The following KIAA1217 variants were observed in gnomAD, a reference collection of about 807,000 sequenced individuals.
KIAA1217 encodes KIAA1217.
KIAA1217 carries 88 observed loss-of-function variants against 163.9 expected under a neutral mutation model. The observed-to-expected ratio is 0.54, with a 90% CI of 0.45 to 0.64. The LOEUF (loss-of-function observed/expected upper bound fraction) is 0.64. Among genes scored for constraint, KIAA1217 ranks in the 30% least tolerant of loss-of-function variants. KIAA1217 has a pLI of 0.00. For missense variants in KIAA1217, 2,372 were observed against 2,475.0 expected, an observed-to-expected ratio of 0.96 and a Z score of 0.88; for synonymous variants, 903 against 923.1, an observed-to-expected ratio of 0.98 and a Z score of 0.39.
intron 3 of KIAA1217, among the ~76,000 whole-genome samples, chr10:24,427,165 C>A (rs2059240571): frequency 1.3e-5 from 2 of 152,252 alleles, no homozygotes; most frequent in African/African-American, 4.8e-5. Flanking sequence ...CATATCGACA[C>A]TCACTCTGGC....
intron 2 of KIAA1217, among the ~76,000 whole-genome samples, chr10:24,013,937 T>A (rs1027532197): frequency 6.6e-6 from 1 of 152,168 alleles, no homozygotes; most frequent in African/African-American, 2.4e-5. Flanking sequence ...GTGCTCTTAA[T>A]TGTGGGATGT....
chr10:24,461,521 GT>G (rs2062407991), intron 5 of KIAA1217, among the ~76,000 whole-genome samples: 4 of 151,790 alleles, frequency 2.6e-5, no homozygotes, highest in African/African-American at 7.3e-5. Context: ...TGACTGGCTA[GT>G]TTTTTGTACT....
At position 23,878,183 on chromosome 10, in the gene KIAA1217, G is replaced by A. The variant is rs75868598; in HGVS notation, c.-320-129042G>A. ...TCATGGCAAGAAAAAATCCAGACAT[G>A]GTTTTTATTGAAATAACATGCTTCT... On this transcript the variant is annotated intron_variant, in intron 1 of 18. Transcript: ENST00000376462. Among the ~76,000 whole-genome samples the A allele has an allele frequency of 9.0e-3, 1,372 of 152,002 alleles. 25 individuals carry two copies. The highest frequency in any genetic ancestry group is 0.031 in the African/African-American group (1,276 of 41,504).
intron 2 of KIAA1217, chr10:24,239,214 A>T (rs572221815): frequency 8.8e-5 from 87 of 985,252 alleles, no homozygotes; most frequent in Middle Eastern, 1.0e-3. Flanking sequence ...CAGCCCAGAC[A>T]TGGAGGGGGG....
At chr10:23,814,740 G>A (rs1481385091) in intron 1 of KIAA1217, among the ~76,000 whole-genome samples, 1 of 151,916 alleles carries the variant, frequency 6.6e-6, no homozygotes, top group Non-Finnish European at 1.5e-5. Flanking sequence ...ACCATTATGT[G>A]TAGCATGACA....
intron 2 of KIAA1217, among the ~76,000 whole-genome samples, chr10:24,062,694 G>A (rs2060776718): frequency 6.6e-6 from 1 of 151,924 alleles, no homozygotes; most frequent in Non-Finnish European, 1.5e-5. Flanking sequence ...TCTAGTTCTA[G>A]ATCCCTGAGG....
intron 2 of KIAA1217, among the ~76,000 whole-genome samples, chr10:24,274,610 T>C (rs138600143): frequency 1.3e-5 from 2 of 152,334 alleles, no homozygotes; most frequent in African/African-American, 4.8e-5. Context: ...TTGCCCTAAA[T>C]ACTGCATTAG....
intron 3 of KIAA1217, among the ~76,000 whole-genome samples, chr10:24,419,012 A>G (rs1293031686): frequency 6.6e-6 from 1 of 151,962 alleles, no homozygotes; most frequent in African/African-American, 2.4e-5. Context: ...CCCTGTCTCT[A>G]CTAAAAATAC....
chr10:24,478,746 T>C (rs2064316331), intron 6 of KIAA1217, among the ~76,000 whole-genome samples: 1 of 152,226 alleles, frequency 6.6e-6, no homozygotes, highest in Admixed American at 6.5e-5. Context: ...TTAAACAGCA[T>C]CATTATTTCT....
chr10:24,482,271 G>A (rs1178195255), intron 6 of KIAA1217: 1 of 152,224 alleles, frequency 6.6e-6, no homozygotes, highest in East Asian at 1.9e-4. Flanking sequence ...ATGTGCTGCT[G>A]TATCTCCTTT....
intron 1 of KIAA1217, among the ~76,000 whole-genome samples, chr10:23,730,426 T>C (rs1838411449): frequency 6.6e-6 from 1 of 152,236 alleles, no homozygotes; most frequent in Non-Finnish European, 1.5e-5. Context: ...AACATTCCAG[T>C]AAGCATTGAA....
chr10:24,278,241 A>T (rs2132134505), intron 2 of KIAA1217, among the ~76,000 whole-genome samples: 1 of 152,312 alleles, frequency 6.6e-6, no homozygotes, highest in South Asian at 2.1e-4. Flanking sequence ...TTTCTGAAAG[A>T]CTGTCAGGTA....
At chr10:24,438,517 G>T in intron 5 of KIAA1217, 38 bp downstream of exon 5, 2 of 1,369,864 alleles carry the variant, frequency 1.5e-6, no homozygotes, top group South Asian at 2.3e-5. Flanking sequence ...ATCTTCAGTG[G>T]GTCAAAGCGT....
At position 24,422,901 on chromosome 10, in the gene KIAA1217, C is replaced by CTTTTTTTTTTTTTTTTTTTTTTTTTT. The variant is rs58161228; in HGVS notation, c.554-10073_554-10072insTTTTTTTTTTTTTTTTTTTTTTTTTT. Reference sequence around the variant, plus strand: ...CTCATATTACTTCCTATAGATTTAACTTTTTTTTTTTTTTTTTTTTTGAGA... The same window carrying CTTTTTTTTTTTTTTTTTTTTTTTTTT: ...CTCATATTACTTCCTATAGATTTAACTTTTTTTTTTTTTTTTTTTTTTTTTTTTTTTTTTTTTTTTTTTTTTTGAGA... On this transcript the variant is annotated intron_variant, in intron 3 of 20. Coordinates refer to ENST00000376454, the MANE Select transcript of KIAA1217 (RefSeq NM_019590.5). Among the ~76,000 whole-genome samples the CTTTTTTTTTTTTTTTTTTTTTTTTTT allele has an allele frequency of 5.8e-5, 7 of 120,608 alleles. 1 individual carries two copies. The highest frequency in any genetic ancestry group is 2.5e-4 in the East Asian group (1 of 3,968). 79.1% of individuals were successfully genotyped at this position (120,608 alleles called of 152,430 possible).
At chr10:23,914,160 G>A (rs1183189896) in intron 1 of KIAA1217, among the ~76,000 whole-genome samples, 1 of 152,106 alleles carries the variant, frequency 6.6e-6, no homozygotes, top group Non-Finnish European at 1.5e-5. Context: ...GTGGGCCTTG[G>A]TCATTCTTCC....
At chr10:24,503,786 C>G (rs12221235) in intron 9 of KIAA1217, among the ~76,000 whole-genome samples, 15,159 of 152,246 alleles carry the variant, frequency 0.1, 1,050 homozygotes, top group East Asian at 0.14. Flanking sequence ...CCTGGGGCTC[C>G]TGGAGGTCAA....
At position 24,521,926 on chromosome 10, in the gene KIAA1217, G is replaced by A. The variant is rs371753454; in HGVS notation, c.2453G>A (p.Arg818Gln). ...ATGACAGACGTCCTGACCATGCTGC[G>A]GAGGTGACCGGGCCCTCATCGTGCT... ...RSMTDVLTMLRRHVTDGLLKG... is the reference protein window; with the variant it reads ...RSMTDVLTMLQRHVTDGLLKG... Residue 818 changes from arginine to glutamine, a missense_variant, in exon 12 of 21, where the codon CGG (arginine) becomes CAG (glutamine). This residue lies in a region of KIAA1217 where 1,431 missense variants were observed against 1,470.3 expected (regional missense o/e 0.97). Coordinates refer to ENST00000376454, the MANE Select transcript of KIAA1217 (RefSeq NM_019590.5). The A allele has an allele frequency of 9.3e-6, 15 of 1,605,646 alleles. No individual in the cohort carries two copies. Among genetic ancestry groups the A allele is most frequent in the South Asian group, 5.5e-5 (5 of 90,972 alleles).
upstream of KIAA1217, among the ~76,000 whole-genome samples, chr10:24,205,010 C>T (rs2067466907): frequency 6.6e-6 from 1 of 152,176 alleles, no homozygotes; most frequent in African/African-American, 2.4e-5. Context: ...TTAAGGACTT[C>T]AGCAAGCATT....
At chr10:24,029,148 A>G (rs951601415) in intron 2 of KIAA1217, among the ~76,000 whole-genome samples, 7 of 152,284 alleles carry the variant, frequency 4.6e-5, no homozygotes, top group Middle Eastern at 3.4e-3. Context: ...AGGGAGAAAA[A>G]TAATGTAATC....
Sources: allele counts gnomAD v4.1 joint callset (sites outside exome capture counted in the v4.1 genomes callset), GRCh38; gene constraint gnomAD v4.1.1; regional missense constraint gnomAD v4.1.1; transcripts MANE v1.5; gene names NCBI Gene and HGNC (gene_info 2026-07-23, HGNC 2026-07-21).